The following AGBL4 variants were observed in gnomAD, a reference collection of about 807,000 sequenced individuals.
AGBL4 encodes the protein AGBL carboxypeptidase 4, also known as cytosolic carboxypeptidase 6.
AGBL4 carries 58 observed loss-of-function variants against 66.4 expected under a neutral mutation model. The observed-to-expected ratio is 0.87, with a 90% CI of 0.71 to 1.09. AGBL4 has a LOEUF of 1.09. Among genes scored for constraint, AGBL4 ranks in the 50% least tolerant of loss-of-function variants. The pLI is 0.00. For missense variants in AGBL4, 579 were observed against 631.0 expected (o/e 0.92, Z 0.88); for synonymous variants, 234 against 222.9 (o/e 1.05, Z -0.44).
intron 2 of AGBL4, among the ~76,000 whole-genome samples, chr1:49,824,095 G>T (rs1645442275): frequency 6.6e-6 from 1 of 152,084 alleles, no homozygotes; most frequent in Admixed American, 6.6e-5. Context: ...TGTAATCCCA[G>T]CTACTTGGGA....
intron 5 of AGBL4, among the ~76,000 whole-genome samples, chr1:48,984,768 C>G (rs1235682376): frequency 6.6e-6 from 1 of 151,566 alleles, no homozygotes; most frequent in Non-Finnish European, 1.5e-5. Context: ...AAAGTTGGAA[C>G]AAATAGGGCT....
At chr1:48,600,470 G>A (rs977093677) in intron 9 of AGBL4, among the ~76,000 whole-genome samples, 2 of 152,190 alleles carry the variant, frequency 1.3e-5, no homozygotes, top group Non-Finnish European at 2.9e-5. Flanking sequence ...AGATCACACA[G>A]TGGTAACTGG....
At chr1:49,990,553 A>G (rs529022280) in intron 1 of AGBL4, among the ~76,000 whole-genome samples, 237 of 152,210 alleles carry the variant, frequency 1.6e-3, no homozygotes, top group Non-Finnish European at 1.9e-3. Flanking sequence ...TAAATTCCCC[A>G]GTCTCAGGTA....
chr1:49,456,746 C>G (rs577621757), intron 3 of AGBL4, among the ~76,000 whole-genome samples: 2 of 151,558 alleles, frequency 1.3e-5, no homozygotes, highest in South Asian at 4.2e-4. Flanking sequence ...TCCTCTGAGC[C>G]CCGAAGTCCA....
Position 49,281,383 on chromosome 1 carries a change from G to A in AGBL4, c.283-35519C>T, listed in dbSNP as rs564277663. Among the ~76,000 whole-genome samples, 26 of 152,334 alleles carry A rather than the reference G, an allele frequency of 1.7e-4. No individual in the cohort carries two copies. In the South Asian group the frequency reaches 5.4e-3, roughly 32 times the overall value. On this transcript the variant is annotated intron_variant, in intron 3 of 13. Transcript: ENST00000371839. Reference sequence around the variant, plus strand: ...TGGCTTGGGGGTTTATGGTGGTTAGGAGATGAAGCCATCATGAGGATTCCC... The same window carrying A: ...TGGCTTGGGGGTTTATGGTGGTTAGAAGATGAAGCCATCATGAGGATTCCC...
intron 1 of AGBL4, among the ~76,000 whole-genome samples, chr1:49,920,194 C>A (rs1375637309): frequency 6.6e-6 from 1 of 152,158 alleles, no homozygotes; most frequent in Non-Finnish European, 1.5e-5. Context: ...GACTTCATGT[C>A]TAAAACACCA....
At chr1:49,015,872 C>T (rs1245341803) in intron 5 of AGBL4, among the ~76,000 whole-genome samples, 1 of 151,882 alleles carries the variant, frequency 6.6e-6, no homozygotes, top group Non-Finnish European at 1.5e-5. Context: ...TCAATTTCAG[C>T]GGAAAAAAAC....
At chr1:49,139,948 T>C (rs1174265686) in intron 4 of AGBL4, among the ~76,000 whole-genome samples, 2 of 152,140 alleles carry the variant, frequency 1.3e-5, no homozygotes, top group Non-Finnish European at 2.9e-5. Flanking sequence ...TATAAACACC[T>C]ATATTTTTCA....
At chr1:49,011,944 G>A (rs1421221630) in intron 5 of AGBL4, among the ~76,000 whole-genome samples, 1 of 151,224 alleles carries the variant, frequency 6.6e-6, no homozygotes, top group East Asian at 1.9e-4. Context: ...TGACAAGTTA[G>A]TGGGTGCAGC....
Position 49,741,303 on chromosome 1 carries a change from G to A in AGBL4, c.158-43866C>T, listed in dbSNP as rs922644571. ...CGAAAATGAACTAGAAAATCTAGAA[G>A]AAATGGATAAATTCCTCAACACATA... On this transcript the variant is annotated intron_variant, in intron 2 of 13. Transcript: ENST00000371839. Among the ~76,000 whole-genome samples, 4 of 152,252 alleles carry A rather than the reference G, an allele frequency of 2.6e-5. No individual in the cohort carries two copies. The East Asian group carries it at 7.7e-4, about 29-fold the overall frequency.
intron 3 of AGBL4, among the ~76,000 whole-genome samples, chr1:49,388,237 T>C (rs1644776157): frequency 6.6e-6 from 1 of 152,110 alleles, no homozygotes. Context: ...AAGGGCCTGA[T>C]AGTAAATAGT....
intron 2 of AGBL4, among the ~76,000 whole-genome samples, chr1:49,740,249 C>T (rs186144697): frequency 1.1e-4 from 17 of 152,188 alleles, no homozygotes; most frequent in Admixed American, 3.3e-4. Flanking sequence ...GGGTTGCAAT[C>T]CTAGTCTCTG....
At chr1:49,415,173 C>A (rs58235655) in intron 3 of AGBL4, among the ~76,000 whole-genome samples, 1 of 152,082 alleles carries the variant, frequency 6.6e-6, no homozygotes, top group Non-Finnish European at 1.5e-5. Flanking sequence ...ATACATGTTA[C>A]ATTATGTCAA....
intron 1 of AGBL4, among the ~76,000 whole-genome samples, chr1:49,979,784 G>A (rs1198560555): frequency 6.6e-6 from 1 of 152,084 alleles, no homozygotes; most frequent in South Asian, 2.1e-4. Context: ...AACAACACAG[G>A]ACCCATGTGG....
At chr1:48,889,275 C>T (rs1048023377) in intron 5 of AGBL4, among the ~76,000 whole-genome samples, 10 of 152,196 alleles carry the variant, frequency 6.6e-5, no homozygotes, top group East Asian at 1.9e-4. Flanking sequence ...AGGTTTCGGA[C>T]GCACGCCTGT....
At position 49,950,061 on chromosome 1, in the gene AGBL4, C is replaced by T. The variant is rs12125014; in HGVS notation, c.34+73702G>A. 4.0e-3 allele frequency among the ~76,000 whole-genome samples: 551 copies of T among 136,370 alleles called. 6 individuals are homozygous for T. Among genetic ancestry groups the T allele is most frequent in the East Asian group, 8.6e-3 (40 of 4,676 alleles). 89.5% of individuals were successfully genotyped at this position (136,370 alleles called of 152,430 possible). ...ATATATACACATATGTGTATATATACACACATATATATACACATATGTGTA... is the reference window on the plus strand; with the variant it reads ...ATATATACACATATGTGTATATATATACACATATATATACACATATGTGTA... On this transcript the variant is annotated intron_variant, in intron 1 of 13. Transcript: ENST00000371839.
intron 1 of AGBL4, among the ~76,000 whole-genome samples, chr1:50,016,819 G>A (rs1430129656): frequency 6.6e-6 from 1 of 152,132 alleles, no homozygotes; most frequent in Non-Finnish European, 1.5e-5. Context: ...GCAGAGAAAG[G>A]GGAACACATA....
chr1:49,482,431 G>A (rs1028460092), intron 3 of AGBL4, among the ~76,000 whole-genome samples: 1 of 151,720 alleles, frequency 6.6e-6, no homozygotes, highest in Non-Finnish European at 1.5e-5. Flanking sequence ...TGTCCATAGG[G>A]GTTTATAATA....
At chr1:50,019,304 TCTCACACA>T (rs1338383271) in intron 1 of AGBL4, among the ~76,000 whole-genome samples, 3 of 46,820 alleles carry the variant, frequency 6.4e-5, no homozygotes, top group Non-Finnish European at 1.0e-4. Flanking sequence ...TCTCTCTCTC[TCTCACACA>T]CACACACACA....
Sources: allele counts gnomAD v4.1 joint callset (sites outside exome capture counted in the v4.1 genomes callset), GRCh38; gene constraint gnomAD v4.1.1; transcripts MANE v1.5; gene names NCBI Gene and HGNC (gene_info 2026-07-23, HGNC 2026-07-21).